Variants in KHDRBS3 observed in about 807,000 individuals in gnomAD.
The protein encoded by KHDRBS3 is KH RNA binding domain containing, signal transduction associated 3, also known as KH domain-containing, RNA-binding, signal transduction-associated protein 3.
Under a neutral mutation model 45.6 loss-of-function variants are expected in KHDRBS3, and 23 were observed. The ratio of observed to expected loss-of-function variants is 0.50; its 90% confidence interval spans 0.36 to 0.72. The LOEUF (loss-of-function observed/expected upper bound fraction) is 0.72, where lower values mean the gene tolerates loss of function less well. Among genes scored for constraint, KHDRBS3 ranks in the 30% least tolerant of loss-of-function variants. The pLI, the probability that KHDRBS3 is intolerant of heterozygous loss-of-function variation, is 0.00. For missense variants in KHDRBS3, 352 were observed against 424.8 expected (o/e 0.83, Z 1.51); for synonymous variants, 162 against 156.5 (o/e 1.04, Z -0.26).
intron 2 of KHDRBS3, among the ~76,000 whole-genome samples, chr8:135,533,431 G>A (rs1825580244): frequency 6.6e-6 from 1 of 152,130 alleles, no homozygotes; most frequent in Non-Finnish European, 1.5e-5. Flanking sequence ...GCCTAGATAA[G>A]TATTGCAGTA....
At chr8:135,629,775 G>A (rs989873734) in intron 7 of KHDRBS3, among the ~76,000 whole-genome samples, 3 of 152,202 alleles carry the variant, frequency 2.0e-5, no homozygotes, top group Admixed American at 1.3e-4. Flanking sequence ...AATACTGTAG[G>A]ACTGTTAGAA....
At chr8:135,517,656 A>C (rs1824680730) in intron 1 of KHDRBS3, among the ~76,000 whole-genome samples, 1 of 152,218 alleles carries the variant, frequency 6.6e-6, no homozygotes, top group South Asian at 2.1e-4. Flanking sequence ...TTTGAATTGT[A>C]TATTGGAAGG....
At chr8:135,562,219 A>G (rs938039253) in intron 5 of KHDRBS3, among the ~76,000 whole-genome samples, 1 of 152,152 alleles carries the variant, frequency 6.6e-6, no homozygotes, top group Admixed American at 6.5e-5. Context: ...TAGGTTTACC[A>G]TTCTCCATCT....
downstream of KHDRBS3, among the ~76,000 whole-genome samples, chr8:135,650,014 C>T (rs1190037865): frequency 6.6e-6 from 1 of 152,112 alleles, no homozygotes; most frequent in Non-Finnish European, 1.5e-5. Flanking sequence ...ATAGATAAGC[C>T]AGTCTTCTCA....
At chr8:135,472,333 G>T (rs951447810) in intron 1 of KHDRBS3, among the ~76,000 whole-genome samples, 2 of 152,036 alleles carry the variant, frequency 1.3e-5, no homozygotes, top group Admixed American at 1.3e-4. Context: ...TGTAAAATAG[G>T]CACGACACTA....
At chr8:135,514,645 T>G (rs978568728) in intron 1 of KHDRBS3, among the ~76,000 whole-genome samples, 1 of 152,228 alleles carries the variant, frequency 6.6e-6, no homozygotes, top group African/African-American at 2.4e-5. Context: ...CACGACAGTG[T>G]GGATGGACTG....
chr8:135,552,579 C>T (rs943886703), intron 4 of KHDRBS3, among the ~76,000 whole-genome samples: 2 of 152,034 alleles, frequency 1.3e-5, no homozygotes, highest in Admixed American at 6.6e-5. Flanking sequence ...TCTGTATTTT[C>T]GATAACATAG....
chr8:135,603,020 A>C (rs1829286657), intron 6 of KHDRBS3, among the ~76,000 whole-genome samples: 1 of 152,154 alleles, frequency 6.6e-6, no homozygotes, highest in South Asian at 2.1e-4. Context: ...TTTAATGACT[A>C]TTTTAATGGA....
intron 5 of KHDRBS3, among the ~76,000 whole-genome samples, chr8:135,559,433 A>C (rs1827060204): frequency 6.6e-6 from 1 of 151,996 alleles, no homozygotes; most frequent in South Asian, 2.1e-4. Context: ...GCTCACTGCA[A>C]CCTCCACCTC....
intron 1 of KHDRBS3, among the ~76,000 whole-genome samples, chr8:135,495,427 G>A (rs1266601543): frequency 1.3e-5 from 2 of 152,188 alleles, no homozygotes; most frequent in African/African-American, 4.8e-5. Flanking sequence ...TTAAATGCAA[G>A]CAGTTAATTA....
chr8:135,475,493 G>C (rs189759936), intron 1 of KHDRBS3, among the ~76,000 whole-genome samples: 80 of 151,926 alleles, frequency 5.3e-4, no homozygotes, highest in African/African-American at 1.7e-3. Context: ...TGTATTTTTA[G>C]TAGAGACGAG....
downstream of KHDRBS3, among the ~76,000 whole-genome samples, chr8:135,648,992 C>A (rs1441235311): frequency 6.6e-6 from 1 of 152,064 alleles, no homozygotes; most frequent in Non-Finnish European, 1.5e-5. Context: ...AAAAAAATTA[C>A]ACAGATATGC....
At chr8:135,607,071 C>T (rs377678522) in intron 7 of KHDRBS3, 34 bp downstream of exon 7, 32 of 1,486,710 alleles carry the variant, frequency 2.2e-5, no homozygotes, top group Non-Finnish European at 9.4e-6. Flanking sequence ...GACCCCACAA[C>T]AGAAACCATC....
chr8:135,565,777 C>T (rs1410107322), intron 5 of KHDRBS3, among the ~76,000 whole-genome samples: 2 of 152,192 alleles, frequency 1.3e-5, no homozygotes, highest in African/African-American at 4.8e-5. Context: ...TCAGAGCCTT[C>T]CATTGGAGTC....
chr8:135,655,301 G>C (rs138195490), intron 4 of KHDRBS3, among the ~76,000 whole-genome samples: 158 of 152,340 alleles, frequency 1.0e-3, no homozygotes, highest in African/African-American at 3.6e-3. Context: ...TAAAAGGCTA[G>C]AGAAGGGCAG....
intron 7 of KHDRBS3, among the ~76,000 whole-genome samples, chr8:135,608,748 G>A (rs1287180499): frequency 6.6e-6 from 1 of 152,174 alleles, no homozygotes; most frequent in Non-Finnish European, 1.5e-5. Flanking sequence ...GTCATTGTGT[G>A]AACATCATAG....
intron 1 of KHDRBS3, among the ~76,000 whole-genome samples, chr8:135,511,713 G>A (rs554118810): frequency 4.6e-5 from 7 of 152,062 alleles, no homozygotes; most frequent in South Asian, 2.1e-4. Context: ...CTGCCACCAC[G>A]CCAGGCTAAT....
chr8:135,561,044 T>C (rs1827143274), intron 5 of KHDRBS3, among the ~76,000 whole-genome samples: 1 of 152,186 alleles, frequency 6.6e-6, no homozygotes, highest in Admixed American at 6.5e-5. Flanking sequence ...ATTCAAAGCC[T>C]TCTTGGTACG....
chr8:135,513,796 G>A (rs960913778), intron 1 of KHDRBS3, among the ~76,000 whole-genome samples: 43 of 152,028 alleles, frequency 2.8e-4, no homozygotes, highest in African/African-American at 9.7e-4. Context: ...GGACCTTGGA[G>A]TATTTTTTGA....
Sources: gnomAD v4.1 joint callset for allele counts (sites outside exome capture counted in the v4.1 genomes callset) on GRCh38, gnomAD v4.1.1 for gene constraint, MANE v1.5 for transcripts, NCBI Gene and HGNC (gene_info 2026-07-23, HGNC 2026-07-21) for gene names.